AFAP1L1: variants seen among roughly 807,000 people sequenced by gnomAD.
AFAP1L1 encodes the protein actin filament associated protein 1 like 1.
AFAP1L1 carries 77 observed loss-of-function variants against 99.8 expected under a neutral mutation model. The ratio of observed to expected loss-of-function variants is 0.77; its 90% CI spans 0.64 to 0.93. AFAP1L1 has a LOEUF of 0.93. Ranked by LOEUF, AFAP1L1 falls within the 40% of genes least tolerant of loss-of-function variation. AFAP1L1 has a pLI of 0.00. For missense variants in AFAP1L1, 893 were observed against 996.8 expected (o/e 0.90, Z 1.40); for synonymous variants, 373 against 395.3 (o/e 0.94, Z 0.67).
intron 16 of AFAP1L1, among the ~76,000 whole-genome samples, chr5:149,330,150 A>AGGAAAT (rs1467760337): frequency 1.3e-5 from 2 of 152,246 alleles, no homozygotes; most frequent in Non-Finnish European, 2.9e-5. Context: ...CTTAGAATCA[A>AGGAAAT]GGAAATAAGA....
intron 4 of AFAP1L1, 61 bp from the exon 5 acceptor site, chr5:149,302,357 C>G: frequency 7.7e-7 from 1 of 1,299,128 alleles, no homozygotes; most frequent in Middle Eastern, 2.5e-4. Flanking sequence ...CTCCCTCTCC[C>G]TCAGCCTCTC....
chr5:149,311,742 C>T (rs571348244), intron 8 of AFAP1L1, among the ~76,000 whole-genome samples: 57 of 152,310 alleles, frequency 3.7e-4, no homozygotes, highest in African/African-American at 1.3e-3. Flanking sequence ...TCCCATCACT[C>T]TTCGCATCCA....
intron 9 of AFAP1L1, among the ~76,000 whole-genome samples, chr5:149,313,572 G>A (rs1221261182): frequency 6.6e-6 from 1 of 151,920 alleles, no homozygotes; most frequent in Non-Finnish European, 1.5e-5. Context: ...CTCAAGGCCA[G>A]GATCCTGAGC....
chr5:149,295,119 C>A (rs1012673955), intron 1 of AFAP1L1, among the ~76,000 whole-genome samples: 1 of 152,220 alleles, frequency 6.6e-6, no homozygotes, highest in African/African-American at 2.4e-5. Context: ...GCCCCTGCTG[C>A]CTGCCAGATC....
chr5:149,307,703 G>T, intron 7 of AFAP1L1, 90 bp downstream of exon 7: 1 of 1,371,618 alleles, frequency 7.3e-7, no homozygotes, highest in Non-Finnish European at 1.0e-6. Flanking sequence ...GTCTGCCTTG[G>T]GCATACCTGG....
intron 8 of AFAP1L1, 126 bp downstream of exon 8, chr5:149,310,261 C>T: frequency 8.2e-7 from 1 of 1,216,666 alleles, no homozygotes; most frequent in Non-Finnish European, 1.1e-6. Context: ...CAAGTGCCCT[C>T]TGCGTGGCTA....
At chr5:149,299,436 TGGG>T in intron 1 of AFAP1L1, 70 bp from the exon 2 acceptor site, 9 of 1,582,806 alleles carry the variant, frequency 5.7e-6, no homozygotes, top group Non-Finnish European at 6.9e-6. Context: ...CTCTAGGTGG[TGGG>T]GGGCCGAACT....
chr5:149,274,631 C>A (rs1057243238), intron 1 of AFAP1L1, among the ~76,000 whole-genome samples: 1 of 152,238 alleles, frequency 6.6e-6, no homozygotes, highest in Non-Finnish European at 1.5e-5. Flanking sequence ...ATAACCCCAA[C>A]ACTTTGGGAG....
At chr5:149,334,425 G>A (rs1031063526) in intron 17 of AFAP1L1, among the ~76,000 whole-genome samples, 1 of 152,142 alleles carries the variant, frequency 6.6e-6, no homozygotes, top group African/African-American at 2.4e-5. Context: ...CTTCTCCCTG[G>A]GTTTTGGATC....
intron 1 of AFAP1L1, among the ~76,000 whole-genome samples, chr5:149,289,252 A>G (rs886498789): frequency 6.6e-6 from 1 of 152,196 alleles, no homozygotes; most frequent in African/African-American, 2.4e-5. Context: ...CTTCTTATGA[A>G]TGCTTTTGTG....
intron 1 of AFAP1L1, among the ~76,000 whole-genome samples, chr5:149,294,834 G>A (rs1028350910): frequency 3.9e-5 from 6 of 152,100 alleles, no homozygotes; most frequent in Non-Finnish European, 8.8e-5. Flanking sequence ...CCCCAGCCTG[G>A]CCTCCTAGCC....
intron 1 of AFAP1L1, among the ~76,000 whole-genome samples, chr5:149,272,939 GT>G (rs1176752085): frequency 7.2e-5 from 11 of 152,102 alleles, no homozygotes; most frequent in Non-Finnish European, 4.4e-5. Context: ...CTGACCTCAG[GT>G]GATCAGCCGG....
chr5:149,309,478 T>C (rs903161180), intron 7 of AFAP1L1, among the ~76,000 whole-genome samples: 3 of 152,182 alleles, frequency 2.0e-5, no homozygotes, highest in African/African-American at 7.2e-5. Flanking sequence ...TAATTTTCTC[T>C]TTTCGTAATA....
chr5:149,294,774 G>C lies in AFAP1L1; in HGVS notation c.17-4735G>C, dbSNP rs113811871. ...AGTCATGGCCCAGAGCACTCCACTG[G>C]AGGGCTGTGAGAGGAAGCCCAGTAT... On this transcript the variant is annotated intron_variant, in intron 1 of 18. Coordinates refer to ENST00000296721, the MANE Select transcript of AFAP1L1 (RefSeq NM_152406.4). 1.9e-4 allele frequency among the ~76,000 whole-genome samples: 29 copies of C among 150,390 alleles called. 2 individuals carry two copies. Among genetic ancestry groups the C allele is most frequent in the African/African-American group, 6.6e-4 (27 of 40,820 alleles).
At chr5:149,315,502 G>C in intron 9 of AFAP1L1, 1 of 322,846 alleles carries the variant, frequency 3.1e-6, no homozygotes, top group Non-Finnish European at 6.0e-6. Flanking sequence ...TTACATGAGT[G>C]TTCCACTTAA....
intron 1 of AFAP1L1, among the ~76,000 whole-genome samples, chr5:149,275,255 A>G (rs73795961): frequency 0.015 from 2,266 of 152,284 alleles, 62 homozygotes; most frequent in African/African-American, 0.051. Context: ...CAATAACAGA[A>G]TACACAGACT....
chr5:149,321,887 T>C (rs1756963135), intron 14 of AFAP1L1, among the ~76,000 whole-genome samples: 1 of 151,910 alleles, frequency 6.6e-6, no homozygotes, highest in Non-Finnish European at 1.5e-5. Flanking sequence ...AAAAATTAGC[T>C]GGGCATGGTG....
chr5:149,329,939 T>G (rs977632437), intron 16 of AFAP1L1, 109 bp downstream of exon 16: 3 of 1,037,618 alleles, frequency 2.9e-6, no homozygotes, highest in Admixed American at 3.7e-5. Context: ...CCAAGAGAAG[T>G]GGGCTTCTCC....
chr5:149,305,320 A>T (rs1756373516), intron 5 of AFAP1L1, among the ~76,000 whole-genome samples: 1 of 152,240 alleles, frequency 6.6e-6, no homozygotes. Flanking sequence ...ATCCCAAAGC[A>T]CATGCTCTTA....
Sources: gnomAD v4.1 joint callset for allele counts (sites outside exome capture counted in the v4.1 genomes callset) on GRCh38, gnomAD v4.1.1 for gene constraint, MANE v1.5 for transcripts, NCBI Gene and HGNC (gene_info 2026-07-23, HGNC 2026-07-21) for gene names.